Variants in ACKR3 observed in about 807,000 individuals in gnomAD.
ACKR3 encodes the protein atypical chemokine receptor 3.
In ACKR3, 6 loss-of-function variants were observed where a neutral mutation model predicts 22.4. The observed-to-expected ratio is 0.27, with a 90% CI of 0.15 to 0.53. The LOEUF is 0.53. ACKR3 is among the 20% of genes least tolerant of loss of function. ACKR3 has a pLI of 0.96. For missense variants in ACKR3, 396 were observed against 475.2 expected, an observed-to-expected ratio of 0.83 and a Z score of 1.55; for synonymous variants, 209 against 205.2, an observed-to-expected ratio of 1.02 and a Z score of -0.16.
the ACKR3 span, among the ~76,000 whole-genome samples, chr2:236,539,469 C>T: frequency 3.9e-5 from 6 of 151,964 alleles, no homozygotes; most frequent in South Asian, 2.1e-4. Flanking sequence ...TTCACTACCA[C>T]GCCTGGCTAG....
chr2:236,579,511 C>T (rs1236077114), intron 1 of ACKR3, among the ~76,000 whole-genome samples: 1 of 152,154 alleles, frequency 6.6e-6, no homozygotes, highest in African/African-American at 2.4e-5. Context: ...AACAATGGTA[C>T]CCCGTGGCTG....
chr2:236,557,049 AT>A, the ACKR3 span, among the ~76,000 whole-genome samples: 1 of 152,252 alleles, frequency 6.6e-6, no homozygotes, highest in African/African-American at 2.4e-5. Flanking sequence ...TAAGACGCTA[AT>A]AAAGTTACAT....
intron 1 of ACKR3, among the ~76,000 whole-genome samples, chr2:236,573,983 T>C (rs1691358407): frequency 1.3e-5 from 2 of 152,140 alleles, no homozygotes. Context: ...CCCTACCTCC[T>C]TGAAGTCCCC....
At chr2:236,578,905 AGG>A (rs2106507772) in intron 1 of ACKR3, among the ~76,000 whole-genome samples, 1 of 152,336 alleles carries the variant, frequency 6.6e-6, no homozygotes, top group Admixed American at 6.5e-5. Flanking sequence ...GAGAATCCCC[AGG>A]GTTCTTTCTT....
At chr2:236,566,718 CCCTTCCTTCCTTCCTTCCTT>C (rs747184505), upstream of ACKR3, among the ~76,000 whole-genome samples, 2 of 114,490 alleles carry the variant, frequency 1.7e-5, no homozygotes, top group Admixed American at 1.8e-4. Flanking sequence ...TCCTTTCCTT[CCCTTCCTTCCTTCCTTCCTT>C]CCTTCCTTCC....
the ACKR3 span, among the ~76,000 whole-genome samples, chr2:236,551,295 C>T: frequency 6.6e-6 from 1 of 152,220 alleles, no homozygotes; most frequent in Non-Finnish European, 1.5e-5. Flanking sequence ...CCTACCCGGC[C>T]ATTTGAGTCC....
chr2:236,573,281 A>C (rs1691345715), intron 1 of ACKR3, among the ~76,000 whole-genome samples: 2 of 152,236 alleles, frequency 1.3e-5, no homozygotes, highest in Non-Finnish European at 2.9e-5. Flanking sequence ...TTGCAGGCTC[A>C]GCGTAAGCGG....
the ACKR3 span, among the ~76,000 whole-genome samples, chr2:236,558,633 A>G: frequency 2.6e-4 from 40 of 152,312 alleles, no homozygotes; most frequent in Non-Finnish European, 3.7e-4. Context: ...ACACACAAGT[A>G]TTTTGAGGGT....
At chr2:236,538,199 T>C in the ACKR3 span, among the ~76,000 whole-genome samples, 2 of 152,188 alleles carry the variant, frequency 1.3e-5, no homozygotes, top group Non-Finnish European at 2.9e-5. Context: ...AGAAACTTGC[T>C]AAAAACCTTG....
chr2:236,563,716 T>C (rs1262219053), upstream of ACKR3, among the ~76,000 whole-genome samples: 4 of 152,170 alleles, frequency 2.6e-5, no homozygotes, highest in Non-Finnish European at 5.9e-5. Flanking sequence ...CTGGTGTTGC[T>C]GTTCCCAGAT....
intron 1 of ACKR3, among the ~76,000 whole-genome samples, chr2:236,579,802 C>T (rs993235663): frequency 1.3e-5 from 2 of 152,198 alleles, no homozygotes; most frequent in African/African-American, 4.8e-5. Flanking sequence ...CTGTGGGGCA[C>T]CCTGCGTAGG....
the ACKR3 span, among the ~76,000 whole-genome samples, chr2:236,553,584 G>T: frequency 6.6e-6 from 1 of 152,362 alleles, no homozygotes; most frequent in South Asian, 2.1e-4. Context: ...AGATGCAGAA[G>T]CACCTGCGTA....
intron 1 of ACKR3, among the ~76,000 whole-genome samples, chr2:236,571,910 A>G (rs1691319154): frequency 6.6e-6 from 1 of 152,230 alleles, no homozygotes; most frequent in Admixed American, 6.5e-5. Context: ...CCTTTAAACC[A>G]GGCAATCAAA....
the ACKR3 span, among the ~76,000 whole-genome samples, chr2:236,540,101 GC>G: frequency 6.6e-6 from 1 of 152,212 alleles, no homozygotes; most frequent in Non-Finnish European, 1.5e-5. Flanking sequence ...ATAGGAAACT[GC>G]AAAACAGTTT....
chr2:236,545,299 C>G, the ACKR3 span, among the ~76,000 whole-genome samples: 3 of 152,214 alleles, frequency 2.0e-5, no homozygotes, highest in African/African-American at 7.2e-5. The surrounding 1 kb of genome is among the most constrained non-coding windows in gnomAD (Gnocchi z 5.3). Context: ...GGCTCACTCA[C>G]GGGTCTGAAA....
At chr2:236,570,536 C>T (rs966971508) in intron 1 of ACKR3, among the ~76,000 whole-genome samples, 9 of 152,180 alleles carry the variant, frequency 5.9e-5, no homozygotes, top group South Asian at 2.1e-4. Context: ...AAACACAGCC[C>T]GGTCTTCTCT....
chr2:236,539,087 G>A, the ACKR3 span, among the ~76,000 whole-genome samples: 7 of 152,012 alleles, frequency 4.6e-5, no homozygotes, highest in African/African-American at 1.7e-4. Context: ...CCCTGTTGCT[G>A]CCTCTATTGT....
chr2:236,564,252 G>A (rs1691136912), upstream of ACKR3, among the ~76,000 whole-genome samples: 3 of 152,182 alleles, frequency 2.0e-5, no homozygotes, highest in Admixed American at 6.5e-5. Context: ...GGGTACCTAG[G>A]GGTGTTACCA....
Position 236,574,551 on chromosome 2 carries a change from AG to A in ACKR3, c.-27+4630del. Among the ~76,000 whole-genome samples, 1 of 152,120 alleles carries A rather than the reference AG, an allele frequency of 6.6e-6. No homozygotes were observed. On this transcript the variant is annotated intron_variant, in intron 1 of 1. Transcript: ENST00000272928. This position sits in a 1 kb window ranked among gnomAD's most constrained non-coding sequence, Gnocchi z 5.6. ...TGGTTGGAGACTGCAAACATGTGGAAGGGAGTTTGGAGGGACACTGGCCAGG... is the reference window on the plus strand; with the variant it reads ...TGGTTGGAGACTGCAAACATGTGGAAGGAGTTTGGAGGGACACTGGCCAGG...
Sources: allele counts gnomAD v4.1 joint callset (sites outside exome capture counted in the v4.1 genomes callset), GRCh38; gene constraint gnomAD v4.1.1; non-coding constraint Gnocchi (gnomAD v3.1); transcripts MANE v1.5; gene names NCBI Gene and HGNC (gene_info 2026-07-23, HGNC 2026-07-21).